GPC5: variants seen among roughly 807,000 people sequenced by gnomAD.
GPC5 encodes the protein glypican 5, also known as glypican-5.
A neutral mutation model predicts 53.9 loss-of-function variants in GPC5; 47 were observed. The observed-to-expected ratio is 0.87, with a 90% CI of 0.69 to 1.11. The LOEUF (loss-of-function observed/expected upper bound fraction) is 1.11, where lower values mean the gene tolerates loss of function less well. Ranked by LOEUF, GPC5 falls within the 50% of genes most tolerant of loss-of-function variation. The pLI is 0.00. For missense variants in GPC5, 748 were observed against 713.1 expected (o/e 1.05, Z -0.56); for synonymous variants, 286 against 263.3 (o/e 1.09, Z -0.84).
At chr13:92,270,867 A>G (rs1008348243) in intron 7 of GPC5, among the ~76,000 whole-genome samples, 3 of 152,176 alleles carry the variant, frequency 2.0e-5, no homozygotes, top group Non-Finnish European at 2.9e-5. Context: ...ACAGCCTTGG[A>G]TCTCTTCTAT....
chr13:92,251,596 TA>T (rs1184937028), intron 7 of GPC5, among the ~76,000 whole-genome samples: 2 of 152,086 alleles, frequency 1.3e-5, no homozygotes, highest in African/African-American at 4.8e-5. Flanking sequence ...GAGCTTCAGT[TA>T]TAAAATTAGC....
chr13:92,064,764 A>AAAAACAAAACAAAAC (rs2041154650), intron 6 of GPC5, among the ~76,000 whole-genome samples: 1 of 138,366 alleles, frequency 7.2e-6, no homozygotes, highest in Non-Finnish European at 1.6e-5. Context: ...CTCAAAAAAA[A>AAAAACAAAACAAAAC]AAAACAAAAC....
chr13:91,721,063 CCCTT>C (rs2036452838), intron 3 of GPC5, among the ~76,000 whole-genome samples: 2 of 147,180 alleles, frequency 1.4e-5, no homozygotes, highest in Non-Finnish European at 3.0e-5. Context: ...TTCCTTCCTT[CCCTT>C]TCTTTCTTTC....
chr13:92,613,405 TA>T (rs1287695619), intron 7 of GPC5, among the ~76,000 whole-genome samples: 69 of 79,604 alleles, frequency 8.7e-4, no homozygotes, highest in African/African-American at 3.7e-3. Flanking sequence ...ATATATATTA[TA>T]TTATATATAA....
intron 7 of GPC5, among the ~76,000 whole-genome samples, chr13:92,512,579 C>T (rs577519642): frequency 6.6e-6 from 1 of 152,190 alleles, no homozygotes; most frequent in East Asian, 1.9e-4. Context: ...TGTAGTAACC[C>T]AGATGTTGAT....
intron 7 of GPC5, among the ~76,000 whole-genome samples, chr13:92,658,492 C>T (rs956232406): frequency 3.9e-5 from 6 of 152,196 alleles, no homozygotes; most frequent in Non-Finnish European, 7.3e-5. Flanking sequence ...CGTTTTGCCT[C>T]CCGTGTTTCC....
chr13:92,038,488 A>C (rs1023166820), intron 6 of GPC5, among the ~76,000 whole-genome samples: 4 of 151,142 alleles, frequency 2.6e-5, no homozygotes, highest in Non-Finnish European at 5.9e-5. Context: ...CCAGTCTTAT[A>C]CACCAAGTGC....
intron 2 of GPC5, among the ~76,000 whole-genome samples, chr13:91,678,123 G>A (rs1013485602): frequency 6.6e-6 from 1 of 152,180 alleles, no homozygotes; most frequent in African/African-American, 2.4e-5. Flanking sequence ...AGTAGAAACA[G>A]TATATTTATT....
intron 7 of GPC5, among the ~76,000 whole-genome samples, chr13:92,706,509 A>AG (rs1887957045): frequency 6.6e-6 from 1 of 152,130 alleles, no homozygotes; most frequent in Non-Finnish European, 1.5e-5. Flanking sequence ...AAAGAAGTAT[A>AG]GAGCCAGCTC....
intron 7 of GPC5, among the ~76,000 whole-genome samples, chr13:92,292,187 C>G (rs1288463146): frequency 6.6e-6 from 1 of 152,216 alleles, no homozygotes. Flanking sequence ...TTCTTTTCCT[C>G]TAAGTAGATA....
chr13:92,282,583 G>A (rs2139170987), intron 7 of GPC5, among the ~76,000 whole-genome samples: 1 of 152,210 alleles, frequency 6.6e-6, no homozygotes, highest in East Asian at 1.9e-4. Flanking sequence ...AGAGAAGGGG[G>A]GCCAATATTC....
At chr13:92,566,331 C>T (rs1882862418) in intron 7 of GPC5, among the ~76,000 whole-genome samples, 2 of 152,060 alleles carry the variant, frequency 1.3e-5, no homozygotes, top group South Asian at 2.1e-4. Flanking sequence ...TGGAGATATA[C>T]AGAACTTGAT....
At chr13:91,598,549 G>A (rs41487351) in intron 2 of GPC5, among the ~76,000 whole-genome samples, 19 of 151,848 alleles carry the variant, frequency 1.3e-4, no homozygotes, top group Non-Finnish European at 1.5e-5. Context: ...ATTCTTGTAG[G>A]CCCAAAGTTC....
At chr13:91,655,439 G>A (rs1025651944) in intron 2 of GPC5, among the ~76,000 whole-genome samples, 1 of 151,948 alleles carries the variant, frequency 6.6e-6, no homozygotes, top group African/African-American at 2.4e-5. Flanking sequence ...ATATATGGTT[G>A]AAAGGGATTT....
intron 7 of GPC5, among the ~76,000 whole-genome samples, chr13:92,442,974 A>G (rs1403677187): frequency 6.6e-6 from 1 of 152,186 alleles, no homozygotes. Flanking sequence ...ACTGTTTTGC[A>G]TTGCAATAAT....
Position 91,451,097 on chromosome 13 carries a change from T to C in GPC5, c.325+2175T>C, listed in dbSNP as rs151173326. ...ATATCTGAAAACAATATAAAGTCTT[T>C]ATAAGAAGGAAGCAGCCAACACATT... On this transcript the variant is annotated intron_variant, in intron 2 of 7. Coordinates refer to ENST00000377067, the MANE Select transcript of GPC5 (RefSeq NM_004466.6). Among the ~76,000 whole-genome samples, 84 of 152,276 alleles carry C rather than the reference T, an allele frequency of 5.5e-4. 3 individuals are homozygous for C. In the East Asian group the frequency reaches 0.013, roughly 24 times the overall value.
At chr13:92,675,454 G>A (rs553863496) in intron 7 of GPC5, among the ~76,000 whole-genome samples, 3 of 151,942 alleles carry the variant, frequency 2.0e-5, no homozygotes, top group East Asian at 1.9e-4. Context: ...CACCTATTCC[G>A]TTTGACATTG....
chr13:91,563,587 A>C (rs138431041), intron 2 of GPC5, among the ~76,000 whole-genome samples: 199 of 152,348 alleles, frequency 1.3e-3, no homozygotes, highest in African/African-American at 4.1e-3. Context: ...AGAACGACTT[A>C]ATTGCTATTC....
At chr13:92,282,922 G>C (rs967220527) in intron 7 of GPC5, among the ~76,000 whole-genome samples, 1 of 152,174 alleles carries the variant, frequency 6.6e-6, no homozygotes, top group Non-Finnish European at 1.5e-5. Context: ...TGGGCTAAAT[G>C]CTCCAATTAA....
Sources: gnomAD v4.1 joint callset for allele counts (sites outside exome capture counted in the v4.1 genomes callset) on GRCh38, gnomAD v4.1.1 for gene constraint, MANE v1.5 for transcripts, NCBI Gene and HGNC (gene_info 2026-07-23, HGNC 2026-07-21) for gene names.